EPHB1: variants seen among roughly 807,000 people sequenced by gnomAD.
EPHB1 encodes EPH receptor B1.
Under a neutral mutation model 94.4 loss-of-function variants are expected in EPHB1, and 30 were observed. The observed-to-expected ratio is 0.32, with a 90% CI of 0.24 to 0.43. EPHB1 has a LOEUF of 0.43. Ranked by LOEUF, EPHB1 falls within the 20% of genes least tolerant of loss-of-function variation. The probability of loss-of-function intolerance (pLI) is 1.00; values close to 1 mark genes in which losing one functional copy is unlikely to be tolerated. For missense variants in EPHB1, 1,055 were observed against 1,308.3 expected (o/e 0.81, Z 2.99); for synonymous variants, 522 against 489.1 (o/e 1.07, Z -0.89).
chr3:135,123,598 A>C (rs1182735053), intron 4 of EPHB1, among the ~76,000 whole-genome samples: 2 of 152,148 alleles, frequency 1.3e-5, no homozygotes, highest in Admixed American at 1.3e-4. Context: ...GCCCAGCACC[A>C]GTGCTGGGCA....
chr3:134,797,137 C>T (rs1447899743), intron 1 of EPHB1, among the ~76,000 whole-genome samples: 1 of 152,178 alleles, frequency 6.6e-6, no homozygotes, highest in Admixed American at 6.5e-5. Context: ...CTTGCTTTTC[C>T]GAAGGTGGCT....
At chr3:134,950,264 G>T (rs1225642434) in intron 2 of EPHB1, among the ~76,000 whole-genome samples, 1 of 152,140 alleles carries the variant, frequency 6.6e-6, no homozygotes, top group Non-Finnish European at 1.5e-5. Context: ...TTTCCCTTAA[G>T]AAAGTTTCAT....
At chr3:134,861,044 A>G (rs2037245703) in intron 1 of EPHB1, among the ~76,000 whole-genome samples, 1 of 152,170 alleles carries the variant, frequency 6.6e-6, no homozygotes, top group Admixed American at 6.5e-5. Flanking sequence ...GGAAGAGTAC[A>G]GGGAAGAACA....
chr3:134,796,581 G>C (rs1019701950), intron 1 of EPHB1, among the ~76,000 whole-genome samples: 3 of 152,242 alleles, frequency 2.0e-5, no homozygotes, highest in Non-Finnish European at 1.5e-5. Context: ...CTGGGCGCTC[G>C]GTAGCGCTCG....
chr3:134,933,341 G>A (rs1247322013), intron 2 of EPHB1, among the ~76,000 whole-genome samples: 1 of 152,080 alleles, frequency 6.6e-6, no homozygotes, highest in African/African-American at 2.4e-5. Flanking sequence ...AAAAGCCCTG[G>A]AATTAGCTCT....
At chr3:135,087,273 C>T (rs1938392672) in intron 3 of EPHB1, among the ~76,000 whole-genome samples, 1 of 152,158 alleles carries the variant, frequency 6.6e-6, no homozygotes, top group Non-Finnish European at 1.5e-5. Flanking sequence ...AAATAATTGA[C>T]ACATCTTGGT....
intron 4 of EPHB1, among the ~76,000 whole-genome samples, chr3:135,115,428 C>G (rs1307201418): frequency 6.6e-6 from 1 of 152,196 alleles, no homozygotes; most frequent in Non-Finnish European, 1.5e-5. Context: ...CGTCCTCTGT[C>G]CTCTGCCAGC....
At chr3:135,222,701 A>G (rs1943300289) in intron 12 of EPHB1, among the ~76,000 whole-genome samples, 1 of 152,182 alleles carries the variant, frequency 6.6e-6, no homozygotes, top group Non-Finnish European at 1.5e-5. Context: ...CAGTCTACAC[A>G]TTGGATTGGA....
Position 134,825,774 on chromosome 3 carries a change from G to A in EPHB1, c.58+30085G>A, listed in dbSNP as rs138106146. On this transcript the variant is annotated intron_variant, in intron 1 of 15. Transcript: ENST00000398015. ...TACTCCAGTCTCCTTCATCCACCATGGTTTGGCTCATGGCATCCTTTCACG... is the reference window on the plus strand; with the variant it reads ...TACTCCAGTCTCCTTCATCCACCATAGTTTGGCTCATGGCATCCTTTCACG... 1.5e-3 allele frequency among the ~76,000 whole-genome samples: 225 copies of A among 152,244 alleles called. 2 individuals carry two copies. Among genetic ancestry groups the A allele is most frequent in the African/African-American group, 1.7e-3 (72 of 41,544 alleles).
chr3:135,193,033 G>A (rs36068056), intron 11 of EPHB1, among the ~76,000 whole-genome samples: 1,614 of 152,290 alleles, frequency 0.011, 15 homozygotes, highest in Middle Eastern at 0.041. Context: ...GGAGTAGGGC[G>A]TTGACAAATG....
intron 9 of EPHB1, among the ~76,000 whole-genome samples, chr3:135,177,630 A>C (rs894400570): frequency 6.6e-6 from 1 of 152,186 alleles, no homozygotes; most frequent in Non-Finnish European, 1.5e-5. Flanking sequence ...CGCCTCTTAT[A>C]GGCTGCCTTC....
At chr3:135,230,062 G>T (rs2107723733) in intron 12 of EPHB1, among the ~76,000 whole-genome samples, 1 of 152,326 alleles carries the variant, frequency 6.6e-6, no homozygotes, top group South Asian at 2.1e-4. Context: ...GGGGCTGAGG[G>T]TGGGCAGCAG....
At chr3:135,172,009 AG>A (rs569775143) in intron 9 of EPHB1, among the ~76,000 whole-genome samples, 64 of 152,342 alleles carry the variant, frequency 4.2e-4, no homozygotes, top group African/African-American at 1.5e-3. Context: ...TGTCTTGATA[AG>A]GGTTCAGATC....
At chr3:134,910,058 T>G (rs2038420461) in intron 1 of EPHB1, among the ~76,000 whole-genome samples, 1 of 152,226 alleles carries the variant, frequency 6.6e-6, no homozygotes. Context: ...CTCTTCAGTC[T>G]CAGTTTAGCT....
chr3:134,969,753 T>C (rs948887670), intron 3 of EPHB1, among the ~76,000 whole-genome samples: 22 of 152,200 alleles, frequency 1.4e-4, no homozygotes, highest in Non-Finnish European at 2.6e-4. Context: ...AGGTGTTGGA[T>C]GCACATGAGA....
chr3:134,825,453 C>T (rs2036460643), intron 1 of EPHB1, among the ~76,000 whole-genome samples: 1 of 152,238 alleles, frequency 6.6e-6, no homozygotes. Flanking sequence ...TTCATCTAAG[C>T]CTATAAAAAT....
chr3:135,226,549 T>C (rs565576054), intron 12 of EPHB1, among the ~76,000 whole-genome samples: 5 of 152,190 alleles, frequency 3.3e-5, no homozygotes, highest in Non-Finnish European at 4.4e-5. Flanking sequence ...AAGAGACCTT[T>C]CAGTTTCTGC....
chr3:135,258,315 G>A (rs547675199), intron 15 of EPHB1, among the ~76,000 whole-genome samples: 2 of 152,304 alleles, frequency 1.3e-5, no homozygotes, highest in South Asian at 4.1e-4. Context: ...AGGTTTAAAT[G>A]AGATAGTGTA....
At chr3:135,032,700 C>G (rs1008302660) in intron 3 of EPHB1, among the ~76,000 whole-genome samples, 4 of 152,154 alleles carry the variant, frequency 2.6e-5, no homozygotes, top group South Asian at 2.1e-4. Context: ...AGTTAGTATC[C>G]AGATATCTTT....
Sources: gnomAD v4.1 joint callset for allele counts (sites outside exome capture counted in the v4.1 genomes callset) on GRCh38, gnomAD v4.1.1 for gene constraint, MANE v1.5 for transcripts, NCBI Gene and HGNC (gene_info 2026-07-23, HGNC 2026-07-21) for gene names.